TENM3: variants seen among roughly 807,000 people sequenced by gnomAD.
TENM3 encodes teneurin transmembrane protein 3.
Under a neutral mutation model 255.1 loss-of-function variants are expected in TENM3, and 63 were observed. That is an observed-to-expected ratio of 0.25 (90% CI 0.20 to 0.30). The LOEUF (loss-of-function observed/expected upper bound fraction) is 0.30. Among genes scored for constraint, TENM3 ranks in the 10% least tolerant of loss-of-function variants. The pLI, the probability that TENM3 is intolerant of heterozygous loss-of-function variation, is 1.00. For missense variants in TENM3, 2,929 were observed against 3,461.1 expected (o/e 0.85, Z 3.86); for synonymous variants, 1,306 against 1,322.3 (o/e 0.99, Z 0.27).
At chr4:181,983,704 C>T in the TENM3 span, among the ~76,000 whole-genome samples, 1 of 152,046 alleles carries the variant, frequency 6.6e-6, no homozygotes, top group African/African-American at 2.4e-5. Flanking sequence ...CAATCTACTT[C>T]CATTTATTAG....
the TENM3 span, among the ~76,000 whole-genome samples, chr4:181,807,320 A>T: frequency 4.6e-5 from 7 of 152,234 alleles, no homozygotes; most frequent in Non-Finnish European, 8.8e-5. Context: ...AAATGTAACG[A>T]TTACTTACCT....
rs893871676 is a variant in TENM3, at chr4:182,324,053, C to T, written c.33C>T (p.Ser11=). Residue 11 remains serine (S), a synonymous_variant, in exon 2 of 28, where the codon TCC becomes TCT. Coordinates refer to ENST00000511685, the MANE Select transcript of TENM3 (RefSeq NM_001080477.4). Reference sequence around the variant, plus strand: ...TGAAAGAACGCAGGCCTTACTGCTCCCTGACCAAGAGCAGACGAGAGAAGG... The same window carrying T: ...TGAAAGAACGCAGGCCTTACTGCTCTCTGACCAAGAGCAGACGAGAGAAGG... MDVKERRPYC[S]LTKSRREKER... 1 of 1,613,976 alleles carries T rather than the reference C, an allele frequency of 6.2e-7. No homozygotes were observed. The highest frequency in any genetic ancestry group is 8.5e-7 in the Non-Finnish European group (1 of 1,179,878).
At chr4:181,709,758 T>C in the TENM3 span, among the ~76,000 whole-genome samples, 1 of 152,188 alleles carries the variant, frequency 6.6e-6, no homozygotes, top group Non-Finnish European at 1.5e-5. Flanking sequence ...AGTCGAGACA[T>C]TAGCGCAGAT....
At chr4:182,399,572 C>T (rs1030654252) in intron 3 of TENM3, among the ~76,000 whole-genome samples, 52 of 152,180 alleles carry the variant, frequency 3.4e-4, no homozygotes, top group African/African-American at 1.2e-3. Flanking sequence ...TCAGAAGAAA[C>T]ATTCTAAATT....
chr4:181,673,142 A>G, the TENM3 span, among the ~76,000 whole-genome samples: 2 of 152,206 alleles, frequency 1.3e-5, no homozygotes, highest in Non-Finnish European at 2.9e-5. Flanking sequence ...AAATTCAGCC[A>G]TGTTCCACAG....
rs551266450 is a variant in TENM3 at position 182,719,423 on chromosome 4, T to G, written c.2368+5190T>G. The stretch of plus-strand genomic sequence containing the variant: ...ACTATAGGCGCCCACCACCACGCCC[T>G]GCTAATTTTTGTATTTTTAGTAGAG... On this transcript the variant is annotated intron_variant, in intron 13 of 27. Transcript: ENST00000511685. 1.7e-4 allele frequency among the ~76,000 whole-genome samples: 26 copies of G among 151,576 alleles called. 1 individual carries two copies. The highest frequency in any genetic ancestry group is 1.0e-3 in the South Asian group (5 of 4,774).
At chr4:182,181,296 T>A (rs1752824648) in intron 1 of TENM3, among the ~76,000 whole-genome samples, 1 of 152,184 alleles carries the variant, frequency 6.6e-6, no homozygotes, top group Non-Finnish European at 1.5e-5. Flanking sequence ...CTTACTAAAC[T>A]AACACCCTTA....
intron 1 of TENM3, 49 bp from the exon 2 acceptor site, chr4:182,323,897 T>G: frequency 4.0e-6 from 3 of 757,882 alleles, no homozygotes; most frequent in Non-Finnish European, 6.5e-6. Context: ...AGTAGCCAGT[T>G]TTTAGGTGAA....
intron 1 of TENM3, among the ~76,000 whole-genome samples, chr4:182,282,900 A>G (rs909560128): frequency 3.3e-5 from 5 of 151,566 alleles, no homozygotes; most frequent in Non-Finnish European, 5.9e-5. Context: ...TTCAGAAAAA[A>G]AAAAAAAAAA....
chr4:182,732,652 C>A (rs913734103), intron 16 of TENM3, among the ~76,000 whole-genome samples: 8 of 152,088 alleles, frequency 5.3e-5, no homozygotes, highest in Admixed American at 5.2e-4. Context: ...ATGACAAAAC[C>A]CTGTCTCTAC....
At chr4:182,148,757 T>C (rs72693846) in intron 1 of TENM3, among the ~76,000 whole-genome samples, 6,809 of 152,062 alleles carry the variant, frequency 0.045, 218 homozygotes, top group South Asian at 0.1. Flanking sequence ...AACGTTATCA[T>C]CCCCACTGTG....
chr4:182,400,814 C>G (rs1769171012), intron 3 of TENM3, among the ~76,000 whole-genome samples: 1 of 152,100 alleles, frequency 6.6e-6, no homozygotes, highest in Non-Finnish European at 1.5e-5. Flanking sequence ...TCACTGCTTC[C>G]TCTGAGAGAT....
At chr4:182,458,258 C>G (rs1405053055) in intron 3 of TENM3, among the ~76,000 whole-genome samples, 1 of 151,998 alleles carries the variant, frequency 6.6e-6, no homozygotes, top group Non-Finnish European at 1.5e-5. Flanking sequence ...TTTCTATTCC[C>G]CATTGAATGG....
the TENM3 span, among the ~76,000 whole-genome samples, chr4:181,635,128 G>T: frequency 6.6e-6 from 1 of 152,092 alleles, no homozygotes; most frequent in Non-Finnish European, 1.5e-5. Flanking sequence ...GGATTTAGCC[G>T]TCAAAATTTT....
chr4:182,187,056 C>A (rs1753208764), intron 1 of TENM3, among the ~76,000 whole-genome samples: 1 of 150,736 alleles, frequency 6.6e-6, no homozygotes, highest in South Asian at 2.1e-4. Context: ...CTTTTCTTCC[C>A]TATTCTTTAA....
intron 3 of TENM3, among the ~76,000 whole-genome samples, chr4:182,562,050 A>T (rs1343552089): frequency 1.3e-5 from 2 of 151,658 alleles, no homozygotes; most frequent in African/African-American, 4.9e-5. Flanking sequence ...CCTAACTTGA[A>T]AAAAATACCT....
chr4:182,760,711 T>C (rs17329750), intron 22 of TENM3, among the ~76,000 whole-genome samples: 23,709 of 152,116 alleles, frequency 0.16, 1,971 homozygotes, highest in South Asian at 0.21. Context: ...ATTTGGGTGG[T>C]TTATTGTCCC....
the TENM3 span, among the ~76,000 whole-genome samples, chr4:181,600,401 T>C: frequency 2.0e-5 from 3 of 152,148 alleles, no homozygotes; most frequent in African/African-American, 7.2e-5. Flanking sequence ...GCCCCAGTCC[T>C]CCTTATACCC....
the TENM3 span, among the ~76,000 whole-genome samples, chr4:181,862,972 A>G: frequency 6.6e-6 from 1 of 152,198 alleles, no homozygotes; most frequent in Non-Finnish European, 1.5e-5. Flanking sequence ...CAGACATCAG[A>G]AAGAATGCTC....
Sources: gnomAD v4.1 joint callset for allele counts (sites outside exome capture counted in the v4.1 genomes callset) on GRCh38, gnomAD v4.1.1 for gene constraint, MANE v1.5 for transcripts, NCBI Gene and HGNC (gene_info 2026-07-23, HGNC 2026-07-21) for gene names.